CADPS2: variants seen among roughly 807,000 people sequenced by gnomAD.
CADPS2 encodes calcium dependent secretion activator 2.
Under a neutral mutation model 172.5 loss-of-function variants are expected in CADPS2, and 93 were observed. That is an observed-to-expected ratio of 0.54 (90% CI 0.46 to 0.64). The LOEUF is 0.64. Ranked by LOEUF, CADPS2 falls within the 30% of genes least tolerant of loss-of-function variation. The pLI is 0.00. For missense variants in CADPS2, 1,420 were observed against 1,565.9 expected (o/e 0.91, Z 1.57); for synonymous variants, 546 against 555.2 (o/e 0.98, Z 0.23).
intron 1 of CADPS2, among the ~76,000 whole-genome samples, chr7:122,841,614 C>T (rs779901613): frequency 2.6e-5 from 4 of 152,066 alleles, no homozygotes; most frequent in Non-Finnish European, 5.9e-5. Context: ...TCAAGCTTTG[C>T]CGCAAGAGTA....
chr7:122,471,036 G>A (rs2055858946), intron 14 of CADPS2, among the ~76,000 whole-genome samples: 1 of 152,080 alleles, frequency 6.6e-6, no homozygotes, highest in African/African-American at 2.4e-5. Context: ...TCCTACCCAG[G>A]CACAGGTATG....
At chr7:122,582,334 T>C (rs1244244830) in intron 6 of CADPS2, among the ~76,000 whole-genome samples, 13 of 152,060 alleles carry the variant, frequency 8.5e-5, no homozygotes, top group Admixed American at 7.9e-4. Context: ...ATAATTGTGA[T>C]TGCCTTCCTC....
At chr7:122,584,473 AAACTT>A (rs1188010218) in intron 6 of CADPS2, among the ~76,000 whole-genome samples, 1 of 151,796 alleles carries the variant, frequency 6.6e-6, no homozygotes, top group Non-Finnish European at 1.5e-5. Flanking sequence ...TTCCATTTTT[AAACTT>A]AACAGAGGTT....
intron 3 of CADPS2, among the ~76,000 whole-genome samples, chr7:122,656,368 A>C (rs568297575): frequency 2.6e-5 from 4 of 152,284 alleles, no homozygotes; most frequent in African/African-American, 9.6e-5. Context: ...AACTTATCCC[A>C]GGTGGAAGAA....
intron 3 of CADPS2, among the ~76,000 whole-genome samples, chr7:122,659,555 A>G (rs1051264024): frequency 6.6e-6 from 1 of 152,134 alleles, no homozygotes; most frequent in African/African-American, 2.4e-5. Flanking sequence ...AAAAGAATAA[A>G]GAGGGGATAG....
chr7:122,336,633 A>G (rs2035897937), intron 28 of CADPS2, among the ~76,000 whole-genome samples: 1 of 152,264 alleles, frequency 6.6e-6, no homozygotes, highest in Non-Finnish European at 1.5e-5. Context: ...AAATTGGTAG[A>G]GAGAATATTC....
chr7:122,492,376 A>T (rs2129784809), intron 9 of CADPS2, among the ~76,000 whole-genome samples: 1 of 152,160 alleles, frequency 6.6e-6, no homozygotes, highest in East Asian at 1.9e-4. Context: ...AATTGGCCTC[A>T]TTTCCTTGTG....
At chr7:122,758,337 T>A (rs574991280) in intron 1 of CADPS2, among the ~76,000 whole-genome samples, 65 of 152,288 alleles carry the variant, frequency 4.3e-4, no homozygotes, top group Admixed American at 3.3e-3. Flanking sequence ...AGCAAACCTT[T>A]TAGAAGTTGA....
At chr7:122,675,921 C>A (rs550024246) in intron 2 of CADPS2, among the ~76,000 whole-genome samples, 2 of 152,130 alleles carry the variant, frequency 1.3e-5, no homozygotes, top group African/African-American at 4.8e-5. Context: ...CAAACCACCA[C>A]GGCACATGCA....
At position 122,777,184 on chromosome 7, in the gene CADPS2, A is replaced by G. The variant is rs558472731; in HGVS notation, c.340-40116T>C. ...ATAATAATTAAGTAAAAGAATAACAAGAAAAATAACAATATCTTAAGTAAA... is the reference window on the plus strand; with the variant it reads ...ATAATAATTAAGTAAAAGAATAACAGGAAAAATAACAATATCTTAAGTAAA... On this transcript the variant is annotated intron_variant, in intron 1 of 29. Coordinates refer to ENST00000449022, the MANE Select transcript of CADPS2 (RefSeq NM_017954.11). Among the ~76,000 whole-genome samples, 51 of 152,294 alleles carry G rather than the reference A, an allele frequency of 3.3e-4. No homozygotes were observed. In the South Asian group the frequency reaches 0.01, roughly 30 times the overall value.
intron 29 of CADPS2, among the ~76,000 whole-genome samples, chr7:122,322,587 C>A (rs567953704): frequency 1.3e-5 from 2 of 152,316 alleles, no homozygotes; most frequent in African/African-American, 4.8e-5. Context: ...ATGTTAACTG[C>A]ATTTAATGTC....
chr7:122,390,101 T>C (rs990817536), intron 22 of CADPS2, among the ~76,000 whole-genome samples: 2 of 152,020 alleles, frequency 1.3e-5, no homozygotes, highest in African/African-American at 4.8e-5. Flanking sequence ...CTGATCTCCT[T>C]GTCTAGCCAA....
At chr7:122,568,009 G>C (rs2066690858) in intron 7 of CADPS2, among the ~76,000 whole-genome samples, 1 of 152,026 alleles carries the variant, frequency 6.6e-6, no homozygotes, top group African/African-American at 2.4e-5. Context: ...GGATAATAAA[G>C]ACACAATTAT....
chr7:122,362,532 G>A (rs2040295059), intron 25 of CADPS2, among the ~76,000 whole-genome samples: 1 of 152,140 alleles, frequency 6.6e-6, no homozygotes, highest in African/African-American at 2.4e-5. Context: ...CAGTAAAAAT[G>A]TGAAGCATTT....
intron 1 of CADPS2, among the ~76,000 whole-genome samples, chr7:122,780,424 GCTA>G (rs541591589): frequency 1.4e-3 from 216 of 152,136 alleles, no homozygotes; most frequent in African/African-American, 4.7e-3. Context: ...TTTAATCACA[GCTA>G]CTGTTTTTAA....
At chr7:122,451,107 C>G (rs3815184) in intron 15 of CADPS2, among the ~76,000 whole-genome samples, 41,820 of 151,890 alleles carry the variant, frequency 0.28, 6,178 homozygotes, top group East Asian at 0.38. Context: ...AGAGACTATG[C>G]AAGAATGAGA....
chr7:122,582,870 T>C (rs2069039844), intron 6 of CADPS2, among the ~76,000 whole-genome samples: 1 of 152,068 alleles, frequency 6.6e-6, no homozygotes, highest in African/African-American at 2.4e-5. Flanking sequence ...ATCCTCCCCA[T>C]AAAACTTCCA....
intron 6 of CADPS2, among the ~76,000 whole-genome samples, chr7:122,604,454 C>T (rs1254160137): frequency 6.6e-6 from 1 of 152,058 alleles, no homozygotes; most frequent in Non-Finnish European, 1.5e-5. Context: ...TGGACCAGCC[C>T]CAGGCATATC....
intron 2 of CADPS2, among the ~76,000 whole-genome samples, chr7:122,703,992 C>T (rs552626992): frequency 6.6e-6 from 1 of 152,122 alleles, no homozygotes; most frequent in East Asian, 1.9e-4. Flanking sequence ...AAGTCTGTTT[C>T]AAGGAGCCAA....
Sources: gnomAD v4.1 joint callset for allele counts (sites outside exome capture counted in the v4.1 genomes callset) on GRCh38, gnomAD v4.1.1 for gene constraint, MANE v1.5 for transcripts, NCBI Gene and HGNC (gene_info 2026-07-23, HGNC 2026-07-21) for gene names.